The following TRPM6 variants were observed in gnomAD, a reference collection of about 807,000 sequenced individuals.
TRPM6 encodes transient receptor potential cation channel subfamily M member 6, also known as channel kinase 2.
TRPM6 carries 111 observed loss-of-function variants against 247.6 expected under a neutral mutation model. The observed-to-expected ratio is 0.45, with a 90% confidence interval of 0.38 to 0.52. The LOEUF is 0.52. Ranked by LOEUF, TRPM6 falls within the 20% of genes least tolerant of loss-of-function variation. The pLI is 0.00. For synonymous variants in TRPM6, 892 were observed against 853.8 expected, an observed-to-expected ratio of 1.04 and a Z score of -0.78; for missense variants, 2,126 against 2,421.5, an observed-to-expected ratio of 0.88 and a Z score of 2.56.
chr9:74,732,869 GCCCATACTTCA>G (rs1201640998), intron 36 of TRPM6, 133 bp from the exon 37 acceptor site: 2 of 750,778 alleles, frequency 2.7e-6, no homozygotes, highest in Non-Finnish European at 2.2e-6. Flanking sequence ...AACATCATGA[GCCCATACTTCA>G]CCACTAAGCA....
chr9:74,744,125 T>C lies in TRPM6; in HGVS notation c.5104A>G (p.Ser1702Gly). 6.2e-7 allele frequency: 1 copy of C among 1,614,052 alleles called. No homozygotes were observed. Among genetic ancestry groups the C allele is most frequent in the Non-Finnish European group, 8.5e-7 (1 of 1,179,954 alleles). The change falls in exon 32 of 39, where the codon AGC becomes GGC. Residue 1702 changes from serine (S) to glycine (G), a missense_variant. Ser to Gly is a moderately conservative substitution (Grantham distance 56, BLOSUM62 0). Transcript: ENST00000360774. ...TAATGATGGTGAGGCTCTTGAGGGC[T>C]TTTTAAGGAGGCTGAGATCTCTGAA... ...GVDKISASLK[S>G]PQEPHHHYSA...
chr9:74,816,799 T>C, intron 10 of TRPM6, 30 bp from the exon 11 acceptor site: 1 of 1,612,624 alleles, frequency 6.2e-7, no homozygotes, highest in Non-Finnish European at 8.5e-7. Context: ...CAATCATATA[T>C]TCTTTTCAAG....
chr9:74,824,643 C>G (rs1034976647), intron 7 of TRPM6, among the ~76,000 whole-genome samples: 1 of 151,566 alleles, frequency 6.6e-6, no homozygotes, highest in African/African-American at 2.4e-5. Context: ...CTGTAAGGTC[C>G]CAGGGTGAGG....
At chr9:74,846,892 C>G (rs189372692) in intron 3 of TRPM6, among the ~76,000 whole-genome samples, 2 of 152,256 alleles carry the variant, frequency 1.3e-5, no homozygotes, top group Non-Finnish European at 2.9e-5. Context: ...AAGAAATTAT[C>G]TTCATCTATT....
chr9:74,729,009 C>T (rs1202686826), intron 37 of TRPM6, among the ~76,000 whole-genome samples: 1 of 152,138 alleles, frequency 6.6e-6, no homozygotes, highest in Admixed American at 6.5e-5. Flanking sequence ...TATAAGGCAC[C>T]TTTTGAATAC....
chr9:74,808,159 C>T lies in TRPM6; in HGVS notation c.1513G>A (p.Gly505Ser), dbSNP rs941858385. The change falls in exon 14 of 39, where the codon GGC (glycine) becomes AGC (serine). Residue 505 changes from glycine (G) to serine (S), a missense_variant. By Grantham distance (56) the Gly-to-Ser change is moderately conservative (BLOSUM62 0). Coordinates refer to ENST00000360774, the MANE Select transcript of TRPM6 (RefSeq NM_017662.5). ...ATGTCAATCAAGGTTATTCGGTAGC[C>T]TGAAAGAAGGGTATGCTGCAACAAA... is the stretch of plus-strand genomic sequence containing the variant. ...QDVKQHTLLS[G>S]YRITLIDIGL... 6.2e-7 allele frequency: 1 copy of T among 1,613,900 alleles called. No individual in the cohort carries two copies. Among genetic ancestry groups the T allele is most frequent in the Admixed American group, 1.7e-5 (1 of 60,010 alleles).
At chr9:74,796,658 C>G in intron 18 of TRPM6, 83 bp downstream of exon 18, 2 of 1,406,762 alleles carry the variant, frequency 1.4e-6, no homozygotes, top group Non-Finnish European at 2.0e-6. Context: ...TAATAGATGG[C>G]TATATAAGTA....
chr9:74,857,725 T>C (rs1346645155), intron 2 of TRPM6: 1 of 152,234 alleles, frequency 6.6e-6, no homozygotes, highest in African/African-American at 2.4e-5. Flanking sequence ...ACAGAGAAGA[T>C]TAGCATGGCC....
intron 25 of TRPM6, among the ~76,000 whole-genome samples, chr9:74,768,771 G>A (rs181363610): frequency 3.1e-4 from 47 of 152,196 alleles, no homozygotes; most frequent in African/African-American, 1.1e-3. Context: ...GGTCTTCGTG[G>A]TTCTTATTCT....
chr9:74,793,118 C>T (rs778517889), intron 18 of TRPM6, among the ~76,000 whole-genome samples: 5 of 151,998 alleles, frequency 3.3e-5, no homozygotes, highest in African/African-American at 4.8e-5. Context: ...ATCATGCCAC[C>T]GCACTCCAGC....
chr9:74,796,865 G>C lies in TRPM6; in HGVS notation c.2267C>G (p.Thr756Ser). Reference protein sequence around the residue: ...KIIISIILPPTILTLEFKSKA... With the variant: ...KIIISIILPPSILTLEFKSKA... ...GCTTTTAAATTCCAGTGTCAAAATG[G>C]TGGGTGGTAAAATAATGCTTATAAT... is the stretch of plus-strand genomic sequence containing the variant. The change falls in exon 18 of 39, where the codon ACC becomes AGC. Residue 756 changes from threonine to serine, a missense_variant. Transcript: ENST00000360774. 6.2e-7 allele frequency: 1 copy of C among 1,613,800 alleles called. No individual in the cohort carries two copies. The highest frequency in any genetic ancestry group is 8.5e-7 in the Non-Finnish European group (1 of 1,179,830).
rs1587515866 is a variant in TRPM6 at position 74,796,798 on chromosome 9, T to C, written c.2334A>G (p.Gln778=). Residue 778 remains glutamine, a synonymous_variant, in exon 18 of 39, where the codon CAA becomes CAG. Coordinates refer to ENST00000360774, the MANE Select transcript of TRPM6 (RefSeq NM_017662.5). ...TCTGGTCACTGTAATACCACATAAA[T>C]TGGAAGTCCTGGGACTGGGGAACAT... The part of the protein sequence containing the change: ...MSHVPQSQDF[Q]FMWYYSDQNA... 2 of 1,613,918 alleles carry C rather than the reference T, an allele frequency of 1.2e-6. No homozygotes were observed. Among genetic ancestry groups the C allele is most frequent in the Admixed American group, 3.3e-5 (2 of 60,004 alleles).
At chr9:74,872,784 A>G (rs148790719) in intron 1 of TRPM6, among the ~76,000 whole-genome samples, 33 of 152,214 alleles carry the variant, frequency 2.2e-4, no homozygotes, top group African/African-American at 7.2e-4. Context: ...TCTATCTCTT[A>G]AACATCTCTT....
In TRPM6 at chr9:74,808,028, C is replaced by T; in HGVS notation, c.1638+6G>A. 6.2e-7 allele frequency: 1 copy of T among 1,613,792 alleles called. No homozygotes were observed. The highest frequency in any genetic ancestry group is 8.5e-7 in the Non-Finnish European group (1 of 1,179,812). ...ATTTTACTTGGGCACTTTTCAATTA[C>T]TCTACCTTGTATTTTCTGTAGAGGT... On this transcript the variant is annotated splice_donor_region_variant and intron_variant, in intron 14 of 38. Coordinates refer to ENST00000360774, the MANE Select transcript of TRPM6 (RefSeq NM_017662.5).
chr9:74,816,500 T>C (rs996609017), intron 11 of TRPM6, among the ~76,000 whole-genome samples, 169 bp downstream of exon 11: 10 of 149,898 alleles, frequency 6.7e-5, no homozygotes, highest in Admixed American at 2.7e-4. Context: ...CAGATGGTTT[T>C]CAGGAAGGCA....
intron 14 of TRPM6, among the ~76,000 whole-genome samples, chr9:74,804,936 GA>G (rs137957776): frequency 0.027 from 4,175 of 151,972 alleles, 183 homozygotes; most frequent in African/African-American, 0.093. Flanking sequence ...TAAAGAGGGA[GA>G]ACTTTTTAAT....
At position 74,724,534 on chromosome 9, in the gene TRPM6, C is replaced by T. The variant is rs1825251050; in HGVS notation, c.*79G>A. 6.2e-7 allele frequency: 1 copy of T among 1,604,448 alleles called. No homozygotes were observed. ...CCCAAGGAGACGCTGATGTAATCAA[C>T]ATCACGTTGATCAATCTATGTTATC... On this transcript the variant is annotated 3_prime_UTR_variant, in exon 39 of 39. Transcript: ENST00000360774.
chr9:74,887,593 G>T (rs1228125020), intron 1 of TRPM6: 2 of 1,519,204 alleles, frequency 1.3e-6, no homozygotes, highest in South Asian at 1.2e-5. Flanking sequence ...CTCTTGAAAC[G>T]GGGGCTGCGG....
Position 74,842,598 on chromosome 9 carries a change from A to G in TRPM6, c.153-255T>C, listed in dbSNP as rs111569266. ...AGGCAGGAATACCTTGGAGACATTG[A>G]AAGTTTGGTTCCAGTCCACTACAAT... On this transcript the variant is annotated intron_variant, in intron 3 of 38. Coordinates refer to ENST00000360774, the MANE Select transcript of TRPM6 (RefSeq NM_017662.5). Among the ~76,000 whole-genome samples, 3,160 of 152,242 alleles carry G rather than the reference A, an allele frequency of 0.021. 105 individuals carry two copies. Among genetic ancestry groups the G allele is most frequent in the African/African-American group, 0.07 (2,924 of 41,522 alleles).
Sources: gnomAD v4.1 joint callset for allele counts (sites outside exome capture counted in the v4.1 genomes callset) on GRCh38, gnomAD v4.1.1 for gene constraint, MANE v1.5 for transcripts, NCBI Gene and HGNC (gene_info 2026-07-23, HGNC 2026-07-21) for gene names.